RFESD: variants seen among roughly 807,000 people sequenced by gnomAD.
RFESD encodes the protein Rieske domain-containing protein.
A neutral mutation model predicts 24.4 loss-of-function variants in RFESD; 16 were observed. The ratio of observed to expected loss-of-function variants is 0.66; its 90% CI spans 0.44 to 1.00. The LOEUF (loss-of-function observed/expected upper bound fraction) is 1.00, where lower values mean the gene tolerates loss of function less well. Ranked by LOEUF, RFESD falls within the 50% of genes least tolerant of loss-of-function variation. The pLI, the probability that RFESD is intolerant of heterozygous loss-of-function variation, is 0.00. For synonymous variants in RFESD, 59 were observed against 81.8 expected (o/e 0.72, Z 1.50); for missense variants, 208 against 247.0 (o/e 0.84, Z 1.06).
At chr5:95,647,885 A>G (rs1750172308) in intron 1 of RFESD, 1 of 152,116 alleles carries the variant, frequency 6.6e-6, no homozygotes, top group Admixed American at 6.5e-5. Flanking sequence ...GGCATTTACT[A>G]AAGGACAGCT....
chr5:95,654,204 G>C lies in RFESD; in HGVS notation c.302G>C (p.Gly101Ala). ...GAAGTGGTCATTTTCTACCACAAGG[G>C]AGAATATCATGCTATGGATATTCGC... The part of the protein sequence containing the change: ...DREVVIFYHK[G>A]EYHAMDIRCY... Residue 101 changes from glycine to alanine, a missense_variant, in exon 4 of 6, where the codon GGA (glycine) becomes GCA (alanine). Transcript: ENST00000380005. The C allele has an allele frequency of 6.2e-7, 1 of 1,613,070 alleles. No individual in the cohort carries two copies. The highest frequency in any genetic ancestry group is 8.5e-7 in the Non-Finnish European group (1 of 1,179,692).
intron 1 of RFESD, among the ~76,000 whole-genome samples, chr5:95,648,421 CAT>C (rs1185319498): frequency 2.0e-5 from 3 of 152,022 alleles, no homozygotes; most frequent in Admixed American, 6.5e-5. Context: ...AAAATCGAAA[CAT>C]ATTGGGAGTT....
rs1750766015 is a variant in RFESD, at chr5:95,656,418, T to G, written c.*109T>G. 2.5e-6 allele frequency: 2 copies of G among 795,708 alleles called. No homozygotes were observed. Among genetic ancestry groups the G allele is most frequent in the Non-Finnish European group, 4.0e-6 (2 of 506,122 alleles). The allele number at this position is 795,708 out of a possible 1,614,324, so 49.3% of individuals were successfully genotyped here. On this transcript the variant is annotated 3_prime_UTR_variant, in exon 6 of 6. Coordinates refer to ENST00000380005, the MANE Select transcript of RFESD (RefSeq NM_001131066.2). ...AATTTTTCAACATAGGCACAACTGTTTAAAATTCACATACATTTGAGAGGT... is the reference window on the plus strand; with the variant it reads ...AATTTTTCAACATAGGCACAACTGTGTAAAATTCACATACATTTGAGAGGT...
At chr5:95,652,421 T>C (rs1246109545) in intron 2 of RFESD, 90 bp downstream of exon 2, 1 of 1,479,250 alleles carries the variant, frequency 6.8e-7, no homozygotes, top group African/African-American at 1.4e-5. Context: ...GGTTGTTGAC[T>C]TGACATCTCT....
At chr5:95,650,403 C>T (rs1750261528) in intron 1 of RFESD, among the ~76,000 whole-genome samples, 1 of 152,170 alleles carries the variant, frequency 6.6e-6, no homozygotes, top group Non-Finnish European at 1.5e-5. Flanking sequence ...ACATATCTCT[C>T]TACCTACACC....
At chr5:95,654,273 A>G (rs780014013) in intron 4 of RFESD, 37 bp downstream of exon 4, 3 of 1,609,290 alleles carry the variant, frequency 1.9e-6, no homozygotes, top group Non-Finnish European at 1.7e-6. Flanking sequence ...ACTTTAAACC[A>G]TGAAACTATC....
chr5:95,655,461 A>C (rs1490188587), intron 5 of RFESD: 1 of 152,266 alleles, frequency 6.6e-6, no homozygotes, highest in Non-Finnish European at 1.5e-5. Context: ...CTTCTTAGAC[A>C]TGCAGAATCT....
chr5:95,653,362 G>C (rs1750479633), intron 3 of RFESD, 148 bp downstream of exon 3: 3 of 1,165,478 alleles, frequency 2.6e-6, no homozygotes, highest in Non-Finnish European at 3.5e-6. Context: ...GACAATCAAA[G>C]AATCCTGCTT....
chr5:95,651,062 C>T (rs213507), intron 1 of RFESD, among the ~76,000 whole-genome samples: 43,849 of 143,224 alleles, frequency 0.31, 6,723 homozygotes, highest in Middle Eastern at 0.43. Flanking sequence ...GGAGCCACTG[C>T]ACTCCAGCCT....
At chr5:95,651,738 A>T (rs1437639689) in intron 1 of RFESD, among the ~76,000 whole-genome samples, 1 of 152,204 alleles carries the variant, frequency 6.6e-6, no homozygotes, top group African/African-American at 2.4e-5. Flanking sequence ...ATAATCCTTA[A>T]GCCTGTTCCT....
rs1580274694 is a variant in RFESD at position 95,657,974 on chromosome 5, A to G, written c.*1665A>G. 1 of 152,126 alleles carries G rather than the reference A, an allele frequency of 6.6e-6. No individual in the cohort carries two copies. The highest frequency in any genetic ancestry group is 6.5e-5 in the Admixed American group (1 of 15,274). The allele number at this position is 152,126 out of a possible 1,614,324, so 9.4% of individuals were successfully genotyped here. ...GGTTTGCAGGAATAATTACAGAAAT[A>G]TTTTCTCATAGGAGCCACTGGCAAT... On this transcript the variant is annotated 3_prime_UTR_variant, in exon 6 of 6. Transcript: ENST00000380005.
intron 5 of RFESD, 77 bp from the exon 6 acceptor site, chr5:95,655,969 T>C: frequency 7.2e-7 from 1 of 1,379,748 alleles, no homozygotes; most frequent in South Asian, 1.3e-5. Context: ...AACCTGGTTC[T>C]TCTGCAGCAG....
At chr5:95,647,946 C>G (rs1372076676) in intron 1 of RFESD, 1 of 152,168 alleles carries the variant, frequency 6.6e-6, no homozygotes, top group Non-Finnish European at 1.5e-5. Flanking sequence ...AAACTACTCT[C>G]TAAGGCATTT....
chr5:95,649,519 T>G (rs1750229136), intron 1 of RFESD, among the ~76,000 whole-genome samples: 1 of 152,250 alleles, frequency 6.6e-6, no homozygotes, highest in Non-Finnish European at 1.5e-5. Context: ...GTGGGATTAT[T>G]ATTATGTTTA....
intron 1 of RFESD, among the ~76,000 whole-genome samples, chr5:95,648,236 A>C (rs1750182190): frequency 1.3e-5 from 2 of 152,206 alleles, no homozygotes; most frequent in African/African-American, 2.4e-5. Context: ...TTTTATATGG[A>C]GTTAGCACCT....
At chr5:95,652,047 G>A (rs1299302182) in intron 1 of RFESD, 90 bp from the exon 2 acceptor site, 5 of 418,940 alleles carry the variant, frequency 1.2e-5, no homozygotes, top group Non-Finnish European at 2.1e-5. Flanking sequence ...AGAACCTCGA[G>A]TTTTCTTCAT....
chr5:95,655,934 AAAAG>A, intron 5 of RFESD, 108 bp from the exon 6 acceptor site: 1 of 973,468 alleles, frequency 1.0e-6, no homozygotes, highest in East Asian at 2.5e-5. Context: ...TAGGAGGAAA[AAAAG>A]AAAAGCTAAC....
rs866114544 is a variant in RFESD, at chr5:95,652,320, C to T, written c.49C>T (p.Leu17Phe). The T allele has an allele frequency of 2.1e-5, 33 of 1,550,830 alleles. No individual in the cohort carries two copies. The African/African-American group carries it at 4.2e-4, about 20-fold the overall frequency. The part of the protein sequence containing the change: ...NCLRPSSLST[L>F]PLQYGILFPK... ...TCTTAGACCTTCTTCCTTATCTACA[C>T]TTCCTCTCCAAGTGAGTCCATAGAA... The change falls in exon 2 of 6, where the codon CTT (leucine) becomes TTT (phenylalanine). Residue 17 changes from leucine (L) to phenylalanine (F), a missense_variant. Leu to Phe is a conservative substitution (Grantham distance 22). Coordinates refer to ENST00000380005, the MANE Select transcript of RFESD (RefSeq NM_001131066.2).
chr5:95,654,185 G>T lies in RFESD; in HGVS notation c.283G>T (p.Val95Phe), dbSNP rs1339127873. Residue 95 changes from valine to phenylalanine, a missense_variant, in exon 4 of 6, where the codon GTC (valine) becomes TTC (phenylalanine). Transcript: ENST00000380005. ...AGCTGTTGTCCATGATAGAGAAGTG[G>T]TCATTTTCTACCACAAGGGAGAATA... ...MTAVVHDREV[V>F]IFYHKGEYHA... The T allele has an allele frequency of 1.2e-6, 2 of 1,612,946 alleles. No homozygotes were observed. Among genetic ancestry groups the T allele is most frequent in the Admixed American group, 1.7e-5 (1 of 60,018 alleles).
Sources: allele counts gnomAD v4.1 joint callset (sites outside exome capture counted in the v4.1 genomes callset), GRCh38; gene constraint gnomAD v4.1.1; transcripts MANE v1.5; gene names NCBI Gene and HGNC (gene_info 2026-07-23, HGNC 2026-07-21).